The following KRT75 variants were observed in gnomAD, a reference collection of about 807,000 sequenced individuals.
KRT75 encodes keratin, type II cytoskeletal 75.
KRT75 carries 35 observed loss-of-function variants against 48.8 expected under a neutral mutation model. The observed-to-expected ratio is 0.72, with a 90% CI of 0.55 to 0.95. The LOEUF is 0.95. Ranked by LOEUF, KRT75 falls within the 40% of genes least tolerant of loss-of-function variation. The pLI is 0.00. For synonymous variants in KRT75, 301 were observed against 282.3 expected, an observed-to-expected ratio of 1.07 and a Z score of -0.66; for missense variants, 776 against 709.9, an observed-to-expected ratio of 1.09 and a Z score of -1.06.
At chr12:52,427,351 A>C (rs1282484185) in intron 7 of KRT75, among the ~76,000 whole-genome samples, 1 of 152,260 alleles carries the variant, frequency 6.6e-6, no homozygotes, top group East Asian at 1.9e-4. Flanking sequence ...TTCAGGACAG[A>C]ACTGGCATTC....
In KRT75 at chr12:52,424,285, T is replaced by C; in HGVS notation, c.*232A>G. On this transcript the variant is annotated 3_prime_UTR_variant, in exon 9 of 9. Transcript: ENST00000252245. ...CGCAAGATAGGCTGAATGAGAGCCT[T>C]AGGAGAGAGCAGGCTTTGGTTTCAC... is the stretch of plus-strand genomic sequence containing the variant. 1.6e-6 allele frequency: 1 copy of C among 625,978 alleles called. No homozygotes were observed. Among genetic ancestry groups the C allele is most frequent in the South Asian group, 1.8e-5 (1 of 56,418 alleles). 38.8% of individuals were successfully genotyped at this position (625,978 alleles called of 1,614,324 possible). A position where few individuals can be genotyped will look rare whatever the true frequency, so the allele number is the denominator to read the frequency against.
intron 4 of KRT75, 33 bp downstream of exon 4, chr12:52,431,510 C>G (rs1940143393): frequency 6.9e-7 from 1 of 1,442,236 alleles, no homozygotes; most frequent in South Asian, 1.1e-5. Flanking sequence ...GGCTCCAGAC[C>G]TAGGAGAGAC....
chr12:52,426,705 T>C, intron 8 of KRT75, 112 bp downstream of exon 8: 1 of 1,096,448 alleles, frequency 9.1e-7, no homozygotes, highest in Non-Finnish European at 1.4e-6. Flanking sequence ...ATGAACGCTG[T>C]CTGTGAGATC....
chr12:52,430,715 A>C lies in KRT75; in HGVS notation c.871-10T>G. 1 of 1,614,156 alleles carries C rather than the reference A, an allele frequency of 6.2e-7. No individual in the cohort carries two copies. Among genetic ancestry groups the C allele is most frequent in the Non-Finnish European group, 8.5e-7 (1 of 1,179,970 alleles). On this transcript the variant is annotated splice_polypyrimidine_tract_variant and intron_variant, in intron 4 of 8. Transcript: ENST00000252245. Reference sequence around the variant, plus strand: ...GCAACTGGGACAGCTCCTGCAGGGCAGTAAACTCAGCATCACCAAGGCATA... The same window carrying C: ...GCAACTGGGACAGCTCCTGCAGGGCCGTAAACTCAGCATCACCAAGGCATA...
At chr12:52,431,943 G>T in intron 3 of KRT75, 63 bp downstream of exon 3, 3 of 1,535,852 alleles carry the variant, frequency 2.0e-6, no homozygotes, top group Non-Finnish European at 2.7e-6. Context: ...TCAGAGGTCA[G>T]GTTACCCCAC....
At position 52,434,000 on chromosome 12, in the gene KRT75, C is replaced by A; in HGVS notation, c.305G>T (p.Gly102Val). 1 of 1,614,128 alleles carries A rather than the reference C, an allele frequency of 6.2e-7. No individual in the cohort carries two copies. Among genetic ancestry groups the A allele is most frequent in the Non-Finnish European group, 8.5e-7 (1 of 1,180,000 alleles). The change falls in exon 1 of 9, where the codon GGT becomes GTT. Residue 102 changes from glycine to valine, a missense_variant. Gly to Val is a moderately radical substitution (Grantham distance 109, BLOSUM62 -3). Transcript: ENST00000252245. ...GCCACTGAAGCCTCCTCCAACTCCACCCCCATAGCCAAATCCACTGTTGAC... is the reference window on the plus strand; with the variant it reads ...GCCACTGAAGCCTCCTCCAACTCCAACCCCATAGCCAAATCCACTGTTGAC... ...FGVNSGFGYG[G>V]GVGGGFSGPS... is the part of the protein sequence containing the mutation.
In KRT75 at chr12:52,432,005, C is replaced by A; in HGVS notation, c.774+1G>T. 3 of 1,614,168 alleles carry A rather than the reference C, an allele frequency of 1.9e-6. No individual in the cohort carries two copies. The highest frequency in any genetic ancestry group is 1.7e-6 in the Non-Finnish European group (2 of 1,179,986). On this transcript the variant is annotated splice_donor_variant, in intron 3 of 8. Transcript: ENST00000252245. LOFTEE classifies it high-confidence loss of function. Reference sequence around the variant, plus strand: ...CCTTTGAGAGAAACATCCCCACTCACCTTTTTCAGGGCTACAAATTCATTC... The same window carrying A: ...CCTTTGAGAGAAACATCCCCACTCAACTTTTTCAGGGCTACAAATTCATTC...
rs137863775 is a variant in KRT75 at position 52,430,565 on chromosome 12, C to T, written c.1011G>A (p.Glu337=). ...CCTTGGTCTGGTACCAGGACTCAGC[C>T]TCGGCCCGGCTGCGGTTGGCAATGT... ...YEDIANRSRA[E]AESWYQTKYE... is the part of the protein sequence containing the mutation. The change falls in exon 5 of 9, where the codon GAG becomes GAA. Residue 337 remains glutamate (E), a synonymous_variant. Transcript: ENST00000252245. The T allele has an allele frequency of 7.3e-4, 1,177 of 1,614,160 alleles. 6 individuals are homozygous for T. In the African/African-American group the frequency reaches 0.011, roughly 15 times the overall value.
In KRT75 at chr12:52,434,055, A is replaced by T; in HGVS notation, c.250T>A (p.Phe84Ile). The change falls in exon 1 of 9, where the codon TTT becomes ATT. Residue 84 changes from phenylalanine to isoleucine, a missense_variant. Physicochemically the swap from Phe to Ile is conservative, Grantham distance 21. Transcript: ENST00000252245. ...NGCGSSCRSG[F>I]GGRASNRFGV... ...AACCTGTTGCTGGCCCTGCCACCAAAGCCACTTCGGCAGCTGCTGCCACAC... is the reference window on the plus strand; with the variant it reads ...AACCTGTTGCTGGCCCTGCCACCAATGCCACTTCGGCAGCTGCTGCCACAC... 1 of 1,614,106 alleles carries T rather than the reference A, an allele frequency of 6.2e-7. No individual in the cohort carries two copies.
chr12:52,424,497 G>A lies in KRT75; in HGVS notation c.*20C>T, dbSNP rs780473924. On this transcript the variant is annotated 3_prime_UTR_variant, in exon 9 of 9. Coordinates refer to ENST00000252245, the MANE Select transcript of KRT75 (RefSeq NM_004693.3). The stretch of plus-strand genomic sequence containing the variant: ...TGCAAACAGGCCTCAAGGCAGGGTA[G>A]AGGGAGCCATGGGGCTCTCTTAGTG... 1.9e-6 allele frequency: 3 copies of A among 1,604,612 alleles called. No homozygotes were observed. Among genetic ancestry groups the A allele is most frequent in the Admixed American group, 3.3e-5 (2 of 60,018 alleles).
chr12:52,429,863 A>G (rs1462965902), intron 5 of KRT75, among the ~76,000 whole-genome samples: 1 of 152,096 alleles, frequency 6.6e-6, no homozygotes, highest in Non-Finnish European at 1.5e-5. Flanking sequence ...TCATGGGTCA[A>G]TTGTACCCCG....
chr12:52,433,357 C>T (rs538787910), intron 1 of KRT75, 105 bp from the exon 2 acceptor site: 1 of 1,026,936 alleles, frequency 9.7e-7, no homozygotes, highest in Non-Finnish European at 1.5e-6. Context: ...TCACTTGGCA[C>T]CCATTGACAA....
In KRT75 at chr12:52,433,887, G is replaced by A. The variant is rs1940180953; in HGVS notation, c.418C>T (p.Pro140Ser). 6.2e-7 allele frequency: 1 copy of A among 1,614,176 alleles called. No individual in the cohort carries two copies. The highest frequency in any genetic ancestry group is 1.7e-5 in the Admixed American group (1 of 60,024). The stretch of plus-strand genomic sequence containing the variant: ...TCGGCCCGCACCCGCTGGATGGTGG[G>A]GTCGATTTGCAGGTGAAGAGGAGTC... ...LLTPLHLQID[P>S]TIQRVRAEER... The change falls in exon 1 of 9, where the codon CCC (proline) becomes TCC (serine). Residue 140 changes from proline (P) to serine (S), a missense_variant. By Grantham distance (74) the Pro-to-Ser change is moderately conservative. Coordinates refer to ENST00000252245, the MANE Select transcript of KRT75 (RefSeq NM_004693.3).
intron 5 of KRT75, among the ~76,000 whole-genome samples, chr12:52,430,265 G>A (rs931545273): frequency 1.3e-5 from 2 of 152,078 alleles, no homozygotes; most frequent in Admixed American, 6.5e-5. Context: ...ACTGTGTCTC[G>A]GTTGTCCTGG....
At position 52,433,867 on chromosome 12, in the gene KRT75, C is replaced by T; in HGVS notation, c.438G>A (p.Arg146=). 6.2e-7 allele frequency: 1 copy of T among 1,614,132 alleles called. No individual in the cohort carries two copies. The highest frequency in any genetic ancestry group is 1.1e-5 in the South Asian group (1 of 91,066). The part of the protein sequence containing the change: ...LQIDPTIQRV[R]AEEREQIKTL... The stretch of plus-strand genomic sequence containing the variant: ...TCTTGATCTGCTCGCGCTCCTCGGC[C>T]CGCACCCGCTGGATGGTGGGGTCGA... Residue 146 remains arginine, a synonymous_variant, in exon 1 of 9, where the codon CGG becomes CGA. Coordinates refer to ENST00000252245, the MANE Select transcript of KRT75 (RefSeq NM_004693.3).
chr12:52,428,867 C>A, intron 5 of KRT75, 124 bp from the exon 6 acceptor site: 1 of 1,169,400 alleles, frequency 8.6e-7, no homozygotes, highest in Non-Finnish European at 1.3e-6. Context: ...CACTCATTCC[C>A]CCTGAAGCTT....
In KRT75 at chr12:52,431,545, C is replaced by T. The variant is rs751320142; in HGVS notation, c.868G>A (p.Ala290Thr). 5 of 1,603,398 alleles carry T rather than the reference C, an allele frequency of 3.1e-6. No homozygotes were observed. In the East Asian group the frequency reaches 6.7e-5, roughly 21 times the overall value. The change falls in exon 4 of 9, where the codon GCA becomes ACA. Residue 290 changes from alanine to threonine, a missense_variant and splice_region_variant. By Grantham distance (58) the Ala-to-Thr change is moderately conservative (BLOSUM62 0). Coordinates refer to ENST00000252245, the MANE Select transcript of KRT75 (RefSeq NM_004693.3). Reference sequence around the variant, plus strand: ...CAGAAATACTTGCAGACTCTTACTGCATCAAAGACTGAGTGGATGAAGTTG... The same window carrying T: ...CAGAAATACTTGCAGACTCTTACTGTATCAAAGACTGAGTGGATGAAGTTG... ...EINFIHSVFD[A>T]ELSQLQTQVG...
chr12:52,431,931 G>A (rs1335287588), intron 3 of KRT75, 75 bp downstream of exon 3: 1 of 1,417,750 alleles, frequency 7.1e-7, no homozygotes, highest in Non-Finnish European at 1.0e-6. Context: ...GTGGCCCAAG[G>A]GTCAGAGGTC....
intron 5 of KRT75, among the ~76,000 whole-genome samples, chr12:52,429,649 TG>T (rs982061721): frequency 3.3e-4 from 51 of 152,284 alleles, no homozygotes; most frequent in African/African-American, 1.2e-3. Context: ...CACTTCACCT[TG>T]GGGTTAAGTG....
Sources: gnomAD v4.1 joint callset for allele counts (sites outside exome capture counted in the v4.1 genomes callset) on GRCh38, gnomAD v4.1.1 for gene constraint, MANE v1.5 for transcripts, NCBI Gene and HGNC (gene_info 2026-07-23, HGNC 2026-07-21) for gene names.